Variants in CYFIP1 observed in about 807,000 individuals in gnomAD.
CYFIP1 encodes cytoplasmic FMR1 interacting protein 1.
CYFIP1 carries 58 observed loss-of-function variants against 163.5 expected under a neutral mutation model. That is an observed-to-expected ratio of 0.35 (90% CI 0.29 to 0.44). The LOEUF is 0.44. Among genes scored for constraint, CYFIP1 ranks in the 20% least tolerant of loss-of-function variants. The pLI, the probability that CYFIP1 is intolerant of heterozygous loss-of-function variation, is 1.00. For synonymous variants in CYFIP1, 663 were observed against 660.7 expected, an observed-to-expected ratio of 1.00 and a Z score of -0.05; for missense variants, 1,338 against 1,653.8, an observed-to-expected ratio of 0.81 and a Z score of 3.31.
intron 13 of CYFIP1, among the ~76,000 whole-genome samples, chr15:22,919,252 G>T (rs2061099577): frequency 6.6e-6 from 1 of 152,190 alleles, no homozygotes; most frequent in African/African-American, 2.4e-5. Flanking sequence ...CAAAGGCGCA[G>T]TGAACTACCA....
intron 8 of CYFIP1, among the ~76,000 whole-genome samples, chr15:22,938,617 A>T (rs774699308): frequency 1.3e-5 from 2 of 152,028 alleles, no homozygotes; most frequent in Non-Finnish European, 2.9e-5. Flanking sequence ...AAATAAAAAA[A>T]AAATAAAAAG....
At chr15:22,929,946 A>C (rs967958167) in intron 11 of CYFIP1, among the ~76,000 whole-genome samples, 2 of 22,070 alleles carry the variant, frequency 9.1e-5, no homozygotes, top group African/African-American at 2.0e-4. Context: ...AAAAACAAAC[A>C]AAAAAAAGAC....
intron 8 of CYFIP1, among the ~76,000 whole-genome samples, chr15:22,937,746 C>T (rs1184899313): frequency 1.3e-5 from 2 of 151,838 alleles, no homozygotes; most frequent in Non-Finnish European, 2.9e-5. Context: ...TTACAGGCGC[C>T]CATGACCACC....
intron 27 of CYFIP1, 28 bp downstream of exon 27, chr15:22,875,171 A>G: frequency 1.2e-6 from 2 of 1,610,122 alleles, no homozygotes; most frequent in Non-Finnish European, 1.7e-6. Flanking sequence ...GGCAGTCTGG[A>G]CTCCCTGGTG....
intron 19 of CYFIP1, 36 bp downstream of exon 19, chr15:22,910,701 A>G: frequency 1.2e-6 from 2 of 1,607,070 alleles, no homozygotes; most frequent in Middle Eastern, 1.7e-4. Context: ...CAAATTATGA[A>G]ACGTTTTGTA....
At chr15:22,902,338 G>A (rs1364687038) in intron 22 of CYFIP1, among the ~76,000 whole-genome samples, 1 of 152,166 alleles carries the variant, frequency 6.6e-6, no homozygotes, top group Admixed American at 6.5e-5. Context: ...GGAGGCGCCT[G>A]GCCATCCCCT....
chr15:22,881,890 A>T lies in CYFIP1; in HGVS notation c.2867T>A (p.Met956Lys). ...CCGGGGCAGGCGGCAGATCTTGGGC[A>T]TCACCTCCATCAGCGTCTTCACGTA... Reference protein sequence around the residue: ...LQYVKTLMEVMPKICRLPRHE... With the variant: ...LQYVKTLMEVKPKICRLPRHE... The change falls in exon 25 of 31, where the codon ATG becomes AAG. Residue 956 changes from methionine to lysine, a missense_variant. Physicochemically the swap from Met to Lys is moderately conservative, Grantham distance 95. Transcript: ENST00000617928. 1 of 1,612,588 alleles carries T rather than the reference A, an allele frequency of 6.2e-7. No homozygotes were observed. The highest frequency in any genetic ancestry group is 2.2e-5 in the East Asian group (1 of 44,872).
intron 1 of CYFIP1, among the ~76,000 whole-genome samples, chr15:22,954,664 CT>C (rs2062383077): frequency 6.6e-6 from 1 of 152,172 alleles, no homozygotes; most frequent in Admixed American, 6.5e-5. Context: ...CCTTCCCTGA[CT>C]GATTTTCTAT....
At chr15:22,907,744 G>A (rs1446538441) in intron 21 of CYFIP1, among the ~76,000 whole-genome samples, 3 of 152,224 alleles carry the variant, frequency 2.0e-5, no homozygotes, top group Non-Finnish European at 4.4e-5. Context: ...GAGGGTCAGA[G>A]TTGGGGGGTG....
intron 16 of CYFIP1, 115 bp downstream of exon 16, chr15:22,916,362 G>A (rs558318756): frequency 2.3e-5 from 18 of 780,678 alleles, no homozygotes; most frequent in Admixed American, 1.8e-4. Context: ...ACGAGTCACC[G>A]TCTGGGTGCA....
At position 22,903,719 on chromosome 15, in the gene CYFIP1, C is replaced by A; in HGVS notation, c.2575G>T (p.Gly859Cys). ...YDFLPNYCYN[G>C]STNRFVRTVL... ...GGGCACGCTCACCGGTTGGTAGAGC[C>A]GTTGTAGCAGTAGTTGGGCAGGAAG... Residue 859 changes from glycine (G) to cysteine (C), a missense_variant, in exon 22 of 31, where the codon GGC (glycine) becomes TGC (cysteine). Transcript: ENST00000617928. 3 of 1,613,570 alleles carry A rather than the reference C, an allele frequency of 1.9e-6. No homozygotes were observed. The highest frequency in any genetic ancestry group is 2.5e-6 in the Non-Finnish European group (3 of 1,180,028).
At position 22,873,491 on chromosome 15, in the gene CYFIP1, T is replaced by C; in HGVS notation, c.3449A>G (p.Glu1150Gly). Residue 1150 changes from glutamate to glycine, a missense_variant and splice_region_variant, in exon 29 of 31, where the codon GAG becomes GGG. Around this residue, in one of 4 missense-constraint regions of CYFIP1, gnomAD observed 306 missense variants for 322.1 expected, o/e 0.95. Coordinates refer to ENST00000617928, the MANE Select transcript of CYFIP1 (RefSeq NM_014608.6). ...IPVGTHEFTV[E>G]QCFGDGLHWA... ...TGTCCTGCTCTCAGCACACACTTAC[T>C]CGACTGTGAACTCGTGTGTCCCCAC... 1 of 1,612,070 alleles carries C rather than the reference T, an allele frequency of 6.2e-7. No homozygotes were observed. Among genetic ancestry groups the C allele is most frequent in the Non-Finnish European group, 8.5e-7 (1 of 1,178,300 alleles).
intron 1 of CYFIP1, among the ~76,000 whole-genome samples, chr15:22,954,823 G>T (rs1003344385): frequency 6.6e-6 from 1 of 152,188 alleles, no homozygotes; most frequent in East Asian, 1.9e-4. Context: ...TAAAAATAAA[G>T]ATTTCAAAGG....
At position 22,943,849 on chromosome 15, in the gene CYFIP1, T is replaced by C. The variant is rs371356325; in HGVS notation, c.388-495A>G. Among the ~76,000 whole-genome samples, 23 of 152,316 alleles carry C rather than the reference T, an allele frequency of 1.5e-4. No individual in the cohort carries two copies. In the South Asian group the frequency reaches 2.3e-3, roughly 15 times the overall value. On this transcript the variant is annotated intron_variant, in intron 5 of 30. Transcript: ENST00000617928. ...CAGCAAGCCCCTTCCATGTGGCTACTTCTTGCCTAACCAAGGCCAGGGCGA... is the reference window on the plus strand; with the variant it reads ...CAGCAAGCCCCTTCCATGTGGCTACCTCTTGCCTAACCAAGGCCAGGGCGA...
chr15:22,913,527 C>CAAAAAAAAAAAAAAAAAA (rs35228444), intron 17 of CYFIP1, among the ~76,000 whole-genome samples: 3 of 10,282 alleles, frequency 2.9e-4, no homozygotes, highest in Admixed American at 2.0e-3. Context: ...GGCTCTGTCT[C>CAAAAAAAAAAAAAAAAAA]AAAAAAAAAA....
intron 29 of CYFIP1, among the ~76,000 whole-genome samples, chr15:22,873,234 G>T (rs1529793): frequency 1.3e-5 from 2 of 152,022 alleles, no homozygotes; most frequent in South Asian, 4.2e-4. Flanking sequence ...TGACTCTATG[G>T]ACCTCCCACC....
chr15:22,952,338 C>T (rs997683291), intron 1 of CYFIP1, among the ~76,000 whole-genome samples: 1 of 151,978 alleles, frequency 6.6e-6, no homozygotes, highest in East Asian at 1.9e-4. Flanking sequence ...ATGTACTTAA[C>T]GCCACTGAGC....
intron 25 of CYFIP1, among the ~76,000 whole-genome samples, chr15:22,881,626 G>C (rs1190496059): frequency 1.3e-5 from 2 of 152,084 alleles, no homozygotes; most frequent in African/African-American, 4.8e-5. Flanking sequence ...CCGAGAGCGT[G>C]GTGTTCAGGG....
intron 21 of CYFIP1, chr15:22,904,138 A>G (rs1323314938): frequency 1.7e-6 from 1 of 582,588 alleles, no homozygotes; most frequent in East Asian, 2.9e-5. Flanking sequence ...CACGCCACCT[A>G]CCCCTGCTGT....
Sources: gnomAD v4.1 joint callset for allele counts (sites outside exome capture counted in the v4.1 genomes callset) on GRCh38, gnomAD v4.1.1 for gene constraint, gnomAD v4.1.1 regional missense constraint, MANE v1.5 for transcripts, NCBI Gene and HGNC (gene_info 2026-07-23, HGNC 2026-07-21) for gene names.